TPO: variants seen among roughly 807,000 people sequenced by gnomAD.
TPO encodes the protein thyroid peroxidase, also known as thyroid microsomal antigen.
In TPO, 78 loss-of-function variants were observed where a neutral mutation model predicts 96.9. The ratio of observed to expected loss-of-function variants is 0.81; its 90% confidence interval spans 0.67 to 0.97. The LOEUF (loss-of-function observed/expected upper bound fraction) is 0.97. Ranked by LOEUF, TPO falls within the 50% of genes least tolerant of loss-of-function variation. The pLI, the probability that TPO is intolerant of heterozygous loss-of-function variation, is 0.00. For synonymous variants in TPO, 547 were observed against 538.0 expected (o/e 1.02, Z -0.23); for missense variants, 1,252 against 1,274.8 (o/e 0.98, Z 0.27).
chr2:1,408,105 A>G (rs1033513808), intron 1 of TPO, among the ~76,000 whole-genome samples: 7 of 152,344 alleles, frequency 4.6e-5, no homozygotes, highest in African/African-American at 1.2e-4. Context: ...CCAGAGTTAC[A>G]GAATGCTCTT....
chr2:1,493,770 G>C (rs1302568576), intron 10 of TPO, 32 bp from the exon 11 acceptor site: 5 of 1,612,646 alleles, frequency 3.1e-6, no homozygotes, highest in African/African-American at 1.3e-5. Flanking sequence ...TCAGTTCTGT[G>C]AGAGAAACCC....
intron 2 of TPO, among the ~76,000 whole-genome samples, chr2:1,421,592 A>G (rs1433074499): frequency 3.3e-5 from 5 of 152,354 alleles, no homozygotes; most frequent in African/African-American, 1.2e-4. Flanking sequence ...GTGACTGACC[A>G]CAGAATACAA....
At position 1,433,718 on chromosome 2, in the gene TPO, G is replaced by T; in HGVS notation, c.349+111G>T. On this transcript the variant is annotated intron_variant, in intron 4 of 16. Transcript: ENST00000329066. ...CATGTTTTTTACTTGAGACCAAGCA[G>T]GATGGGACTCCAGCTCTTTCAAAGC... 3.2e-6 allele frequency: 4 copies of T among 1,250,606 alleles called. No individual in the cohort carries two copies. The South Asian group carries it at 3.9e-5, about 12-fold the overall frequency. The allele number at this position is 1,250,606 out of a possible 1,614,324, so 77.5% of individuals were successfully genotyped here.
intron 14 of TPO, among the ~76,000 whole-genome samples, chr2:1,505,490 GTGTCAGGCACA>G (rs1673336836): frequency 9.1e-5 from 1 of 11,018 alleles, no homozygotes. Context: ...CCCCCACCCC[GTGTCAGGCACA>G]CCCCCACCAC....
intron 7 of TPO, among the ~76,000 whole-genome samples, chr2:1,476,176 C>T (rs774336899): frequency 2.6e-5 from 4 of 152,178 alleles, no homozygotes; most frequent in East Asian, 1.9e-4. Flanking sequence ...TGTCCTATTA[C>T]GAGAAGACCG....
chr2:1,406,525 A>G (rs1164232213), intron 1 of TPO, among the ~76,000 whole-genome samples: 1 of 152,144 alleles, frequency 6.6e-6, no homozygotes, highest in Non-Finnish European at 1.5e-5. Context: ...TGCAGCCCCC[A>G]TCACCCCTGA....
At chr2:1,423,024 G>C (rs28909372) in intron 2 of TPO, 21 bp from the exon 3 acceptor site, 90,423 of 1,611,990 alleles carry the variant, frequency 0.056, 5,200 homozygotes, top group African/African-American at 0.29. Context: ...CGCTTTGACT[G>C]TGTGACATTC....
chr2:1,420,875 G>C (rs183726099), intron 2 of TPO, among the ~76,000 whole-genome samples: 1 of 152,250 alleles, frequency 6.6e-6, no homozygotes, highest in Non-Finnish European at 1.5e-5. Context: ...CACACCACAT[G>C]GTGAGTGAAA....
At position 1,493,984 on chromosome 2, in the gene TPO, C is replaced by A. The variant is rs749796672; in HGVS notation, c.1951C>A (p.Pro651Thr). ...CTTCCTCCCCAGGGCTCGGACAGGG[C>A]CCCTGTTTGCCTGTCTCATTGGGAA... Reference protein sequence around the residue: ...ENFLPRARTGPLFACLIGKQM... With the variant: ...ENFLPRARTGTLFACLIGKQM... Residue 651 changes from proline to threonine, a missense_variant, in exon 11 of 17, where the codon CCC becomes ACC. Transcript: ENST00000329066. 3.1e-6 allele frequency: 5 copies of A among 1,614,046 alleles called. No individual in the cohort carries two copies. Among genetic ancestry groups the A allele is most frequent in the South Asian group, 2.2e-5 (2 of 91,086 alleles).
At chr2:1,455,383 C>A (rs994607182) in intron 6 of TPO, among the ~76,000 whole-genome samples, 2 of 152,172 alleles carry the variant, frequency 1.3e-5, no homozygotes, top group Non-Finnish European at 2.9e-5. Flanking sequence ...TCCCCCAAAC[C>A]CCATCCCATG....
Position 1,529,413 on chromosome 2 carries a change from A to G in TPO, c.2619-11181A>G. On this transcript the variant is annotated intron_variant, in intron 15 of 16. Transcript: ENST00000329066. ...CCCCCCACTGTCTGCAACATCCCCA[A>G]ATGCCCCCACTGTGAGCAACCTTCC... Among the ~76,000 whole-genome samples, 2 of 85,154 alleles carry G rather than the reference A, an allele frequency of 2.3e-5. 1 individual carries two copies. The highest frequency in any genetic ancestry group is 1.2e-4 in the African/African-American group (2 of 16,924). The allele number at this position is 85,154 out of a possible 152,430, so 55.9% of individuals were successfully genotyped here.
intron 15 of TPO, among the ~76,000 whole-genome samples, chr2:1,517,945 C>G (rs939961889): frequency 1.4e-4 from 22 of 152,096 alleles, no homozygotes; most frequent in African/African-American, 4.6e-4. Flanking sequence ...CAGGCTCCCC[C>G]CCCCAATATG....
chr2:1,523,736 T>G (rs138884130), intron 15 of TPO, among the ~76,000 whole-genome samples: 953 of 52,818 alleles, frequency 0.018, 12 homozygotes, highest in Non-Finnish European at 0.026. Flanking sequence ...GGTCCCCCAC[T>G]GTGTGCAACC....
At position 1,487,854 on chromosome 2, in the gene TPO, C is replaced by T; in HGVS notation, c.1631C>T (p.Ala544Val). 6.2e-7 allele frequency: 1 copy of T among 1,614,234 alleles called. No individual in the cohort carries two copies. The highest frequency in any genetic ancestry group is 8.5e-7 in the Non-Finnish European group (1 of 1,180,044). ...GLDPLIRGLL[A>V]RPAKLQVQDQ... Reference sequence around the variant, plus strand: ...GACCCACTAATACGAGGCCTTCTTGCAAGACCAGCCAAACTGCAGGTGCAG... The same window carrying T: ...GACCCACTAATACGAGGCCTTCTTGTAAGACCAGCCAAACTGCAGGTGCAG... The change falls in exon 10 of 17, where the codon GCA becomes GTA. Residue 544 changes from alanine (A) to valine (V), a missense_variant. Physicochemically the swap from Ala to Val is moderately conservative, Grantham distance 64. Coordinates refer to ENST00000329066, the MANE Select transcript of TPO (RefSeq NM_001206744.2).
chr2:1,397,022 A>G (rs1249251070), intron 1 of TPO, among the ~76,000 whole-genome samples: 1 of 152,196 alleles, frequency 6.6e-6, no homozygotes, highest in Non-Finnish European at 1.5e-5. Flanking sequence ...TATCCGTTCC[A>G]GACCCTGTAC....
At chr2:1,380,841 GA>G in intron 1 of TPO, among the ~76,000 whole-genome samples, 1 of 152,324 alleles carries the variant, frequency 6.6e-6, no homozygotes, top group East Asian at 1.9e-4. Flanking sequence ...GGCTGTTTAG[GA>G]AGCATGGTGG....
chr2:1,397,914 C>T (rs917872387), intron 1 of TPO, among the ~76,000 whole-genome samples: 1 of 152,168 alleles, frequency 6.6e-6, no homozygotes, highest in Non-Finnish European at 1.5e-5. Context: ...TCCCATGGGG[C>T]GTACCTGGGG....
intron 1 of TPO, among the ~76,000 whole-genome samples, chr2:1,382,584 C>G (rs961688106): frequency 2.0e-5 from 3 of 152,078 alleles, no homozygotes; most frequent in Admixed American, 2.0e-4. Context: ...ACTGGTGAAG[C>G]TGAACAGCTG....
chr2:1,461,592 G>T (rs1668437869), intron 7 of TPO, among the ~76,000 whole-genome samples: 1 of 152,236 alleles, frequency 6.6e-6, no homozygotes, highest in Non-Finnish European at 1.5e-5. Context: ...GCCCCACCGG[G>T]CATAAATATA....
Sources: gnomAD v4.1 joint callset for allele counts (sites outside exome capture counted in the v4.1 genomes callset) on GRCh38, gnomAD v4.1.1 for gene constraint, MANE v1.5 for transcripts, NCBI Gene and HGNC (gene_info 2026-07-23, HGNC 2026-07-21) for gene names.